NIPBL: variants seen among roughly 807,000 people sequenced by gnomAD.
The protein encoded by NIPBL is NIPBL cohesin loading factor, also known as nipped-B-like protein.
In NIPBL, 19 loss-of-function variants were observed where a neutral mutation model predicts 321.8. The observed-to-expected ratio is 0.06, with a 90% confidence interval of 0.04 to 0.09. The LOEUF is 0.09. Among genes scored for constraint, NIPBL ranks in the 10% least tolerant of loss-of-function variants. The probability of loss-of-function intolerance (pLI) is 1.00; values close to 1 mark genes in which losing one functional copy is unlikely to be tolerated. For synonymous variants in NIPBL, 1,106 were observed against 1,114.1 expected, an observed-to-expected ratio of 0.99 and a Z score of 0.14; for missense variants, 2,210 against 3,327.0, an observed-to-expected ratio of 0.66 and a Z score of 8.26.
chr5:36,891,189 C>T (rs1031120986), intron 1 of NIPBL, among the ~76,000 whole-genome samples: 10 of 151,936 alleles, frequency 6.6e-5, no homozygotes, highest in East Asian at 1.9e-4. Context: ...GGCATGAACC[C>T]GGGAGGCAGA....
At chr5:37,045,871 T>TA (rs1159866190) in intron 37 of NIPBL, among the ~76,000 whole-genome samples, 2 of 152,138 alleles carry the variant, frequency 1.3e-5, no homozygotes, top group African/African-American at 4.8e-5. Flanking sequence ...GCTGACTTTT[T>TA]AAAAAAAATT....
At chr5:36,971,739 C>T in intron 7 of NIPBL, 2 of 904,856 alleles carry the variant, frequency 2.2e-6, no homozygotes, top group Non-Finnish European at 2.6e-6. Context: ...TTATTCATTG[C>T]CATGCTTAGG....
chr5:37,041,456 G>T (rs1349291556), intron 34 of NIPBL, among the ~76,000 whole-genome samples: 1 of 151,358 alleles, frequency 6.6e-6, no homozygotes, highest in East Asian at 1.9e-4. Context: ...GTAGAGACGG[G>T]GTTTCACTAT....
At chr5:37,009,642 T>A (rs1747867889) in intron 20 of NIPBL, among the ~76,000 whole-genome samples, 2 of 152,204 alleles carry the variant, frequency 1.3e-5, no homozygotes, top group Admixed American at 6.5e-5. Flanking sequence ...GGAAATTGAT[T>A]TTTTATAATC....
At chr5:36,923,186 G>A (rs761534981) in intron 1 of NIPBL, among the ~76,000 whole-genome samples, 75 of 152,096 alleles carry the variant, frequency 4.9e-4, no homozygotes, top group Non-Finnish European at 9.7e-4. Context: ...TGCACCTGTA[G>A]TCCCAGCTAC....
rs139108785 is a variant in NIPBL at position 37,064,814 on chromosome 5, G to A, written c.8337G>A (p.Thr2779=). ...TTATTTACAAAAAAATTGCTCTAAC[G>A]AGTGCTAATAAGCTGACTAATAAAG... The part of the protein sequence containing the change: ...SDIIYKKIAL[T]SANKLTNKVV... Residue 2779 remains threonine (T), a synonymous_variant, in exon 47 of 47, where the codon ACG becomes ACA. Transcript: ENST00000282516. 7.3e-5 allele frequency: 118 copies of A among 1,614,138 alleles called. No individual in the cohort carries two copies. In the African/African-American group the frequency reaches 1.4e-3, roughly 19 times the overall value.
At chr5:36,919,432 T>C (rs1450242468) in intron 1 of NIPBL, among the ~76,000 whole-genome samples, 1 of 151,978 alleles carries the variant, frequency 6.6e-6, no homozygotes, top group African/African-American at 2.4e-5. Flanking sequence ...CACCTGGGCT[T>C]GAGTGATCCT....
At chr5:36,898,266 G>A (rs1746929990) in intron 1 of NIPBL, among the ~76,000 whole-genome samples, 1 of 151,980 alleles carries the variant, frequency 6.6e-6, no homozygotes, top group Non-Finnish European at 1.5e-5. Flanking sequence ...CATTAATATT[G>A]TTGTTCTTAT....
intron 32 of NIPBL, among the ~76,000 whole-genome samples, chr5:37,029,843 T>C (rs1750752003): frequency 6.6e-6 from 1 of 152,184 alleles, no homozygotes; most frequent in Non-Finnish European, 1.5e-5. Context: ...GACTGTCTTC[T>C]TAAATCATCT....
intron 1 of NIPBL, among the ~76,000 whole-genome samples, chr5:36,924,737 A>C (rs1749219729): frequency 6.6e-6 from 1 of 152,184 alleles, no homozygotes; most frequent in Admixed American, 6.5e-5. Flanking sequence ...GTGACAGAAA[A>C]TCTCCAGTCT....
chr5:36,992,998 C>G (rs1429773403), intron 10 of NIPBL, among the ~76,000 whole-genome samples: 1 of 152,084 alleles, frequency 6.6e-6, no homozygotes, highest in Admixed American at 6.5e-5. Context: ...ACCTCGGCCT[C>G]CCAAAGTGCT....
chr5:36,955,854 C>T (rs2149599955), intron 3 of NIPBL, among the ~76,000 whole-genome samples: 1 of 152,080 alleles, frequency 6.6e-6, no homozygotes, highest in Non-Finnish European at 1.5e-5. Flanking sequence ...ACCCATGTAG[C>T]TCTATGGATA....
rs1342989841 is a variant in NIPBL at position 36,984,934 on chromosome 5, T to C, written c.1754T>C (p.Ile585Thr). Reference sequence around the variant, plus strand: ...CCTGTTTCTGTTCTTCAGGAAGATATTGTTGGAAGTCTTAAATCTACACCA... The same window carrying C: ...CCTGTTTCTGTTCTTCAGGAAGATACTGTTGGAAGTCTTAAATCTACACCA... ...DAPVSVLQEDIVGSLKSTPEN... is the reference protein window; with the variant it reads ...DAPVSVLQEDTVGSLKSTPEN... The change falls in exon 10 of 47, where the codon ATT (isoleucine) becomes ACT (threonine). Residue 585 changes from isoleucine (I) to threonine (T), a missense_variant. Ile to Thr is a moderately conservative substitution (Grantham distance 89, BLOSUM62 -1). This residue lies in a region of NIPBL where 588 missense variants were observed against 564.1 expected (regional missense o/e 1.04). Transcript: ENST00000282516. The C allele has an allele frequency of 6.2e-7, 1 of 1,613,770 alleles. No homozygotes were observed. The highest frequency in any genetic ancestry group is 8.5e-7 in the Non-Finnish European group (1 of 1,179,902).
chr5:37,017,007 T>C lies in NIPBL; in HGVS notation c.4777-12T>C, dbSNP rs80358381. 6.4e-6 allele frequency: 10 copies of C among 1,567,384 alleles called. No individual in the cohort carries two copies. Among genetic ancestry groups the C allele is most frequent in the Non-Finnish European group, 8.7e-6 (10 of 1,147,426 alleles). ...ATAAATCTATTCAATCAAAAACTAT[T>C]TTGATATTTAGGTTCATCAGTTCAG... On this transcript the variant is annotated splice_polypyrimidine_tract_variant and intron_variant, in intron 23 of 46. Transcript: ENST00000282516.
At chr5:36,929,142 T>A (rs1749583796) in intron 1 of NIPBL, among the ~76,000 whole-genome samples, 1 of 152,184 alleles carries the variant, frequency 6.6e-6, no homozygotes, top group South Asian at 2.1e-4. Context: ...TTCAAGTTTC[T>A]CTACATCTTC....
chr5:36,912,762 A>T (rs13165301), intron 1 of NIPBL, among the ~76,000 whole-genome samples: 2 of 152,166 alleles, frequency 1.3e-5, no homozygotes, highest in Middle Eastern at 3.4e-3. Flanking sequence ...GGCCTCCCAG[A>T]GTGCTGGGAT....
intron 1 of NIPBL, among the ~76,000 whole-genome samples, chr5:36,923,301 A>C (rs923135553): frequency 6.6e-5 from 10 of 152,064 alleles, no homozygotes; most frequent in Non-Finnish European, 1.5e-4. Context: ...GCGAGACTCC[A>C]TCTCAAAACA....
At chr5:36,914,461 A>G (rs1748302216) in intron 1 of NIPBL, among the ~76,000 whole-genome samples, 1 of 151,678 alleles carries the variant, frequency 6.6e-6, no homozygotes, top group Non-Finnish European at 1.5e-5. Flanking sequence ...TGGTGCCACA[A>G]GTAGAAAATT....
chr5:36,967,320 C>T (rs292186), intron 6 of NIPBL, among the ~76,000 whole-genome samples: 21,454 of 151,872 alleles, frequency 0.14, 1,884 homozygotes, highest in East Asian at 0.31. Context: ...TTTAGAGAAC[C>T]GTGTGTTTGA....
Sources: allele counts gnomAD v4.1 joint callset (sites outside exome capture counted in the v4.1 genomes callset), GRCh38; gene constraint gnomAD v4.1.1; regional missense constraint gnomAD v4.1.1; transcripts MANE v1.5; gene names NCBI Gene and HGNC (gene_info 2026-07-23, HGNC 2026-07-21).